NKIRAS1: variants seen among roughly 807,000 people sequenced by gnomAD.
NKIRAS1 encodes the protein NF-kappa-B inhibitor-interacting Ras-like protein 1.
Under a neutral mutation model 19.8 loss-of-function variants are expected in NKIRAS1, and 16 were observed. The ratio of observed to expected loss-of-function variants is 0.81; its 90% CI spans 0.55 to 1.23. The LOEUF is 1.23. NKIRAS1 is among the 50% of genes most tolerant of loss of function. NKIRAS1 has a pLI of 0.00. For missense variants in NKIRAS1, 184 were observed against 220.0 expected, an observed-to-expected ratio of 0.84 and a Z score of 1.04; for synonymous variants, 88 against 79.0, an observed-to-expected ratio of 1.11 and a Z score of -0.61.
chr3:23,936,845 C>T (rs1291789324), intron 1 of NKIRAS1, among the ~76,000 whole-genome samples: 1 of 152,250 alleles, frequency 6.6e-6, no homozygotes, highest in Non-Finnish European at 1.5e-5. Flanking sequence ...TGCACTACTG[C>T]GCCCGGCTGA....
At chr3:23,911,632 A>G (rs189962879) in intron 1 of NKIRAS1, among the ~76,000 whole-genome samples, 182 bp from the exon 2 acceptor site, 9 of 152,330 alleles carry the variant, frequency 5.9e-5, no homozygotes, top group Non-Finnish European at 1.2e-4. Flanking sequence ...AAAAATAAAC[A>G]TTTAAGTAAA....
At chr3:23,918,305 T>G, upstream of NKIRAS1, 1 of 1,057,452 alleles carries the variant, frequency 9.5e-7, no homozygotes, top group Non-Finnish European at 1.3e-6. Context: ...GACTGGGATG[T>G]GTTTTATTTT....
chr3:23,930,634 A>C (rs1705297841), intron 1 of NKIRAS1, among the ~76,000 whole-genome samples: 1 of 152,186 alleles, frequency 6.6e-6, no homozygotes, highest in Non-Finnish European at 1.5e-5. Context: ...TTTCATAATT[A>C]TAATGATCAT....
chr3:23,918,603 T>C (rs565843350), upstream of NKIRAS1: 25 of 1,608,936 alleles, frequency 1.6e-5, no homozygotes, highest in South Asian at 2.3e-4. Context: ...AGCAGTTATA[T>C]TGAATACTGC....
chr3:23,943,623 C>T (rs566334127), intron 1 of NKIRAS1, among the ~76,000 whole-genome samples: 11 of 152,340 alleles, frequency 7.2e-5, no homozygotes, highest in Admixed American at 6.5e-4. Flanking sequence ...TCTTTTCTGC[C>T]TTCTAGACTG....
At chr3:23,930,425 C>G (rs1705288929) in intron 1 of NKIRAS1, among the ~76,000 whole-genome samples, 1 of 151,096 alleles carries the variant, frequency 6.6e-6, no homozygotes, top group Admixed American at 6.6e-5. Flanking sequence ...TTGAAACCCT[C>G]CATTGATTTT....
intron 1 of NKIRAS1, among the ~76,000 whole-genome samples, chr3:23,939,950 C>T (rs777797680): frequency 1.7e-4 from 26 of 152,166 alleles, no homozygotes; most frequent in Non-Finnish European, 3.5e-4. Flanking sequence ...TTGGTTGCCA[C>T]ATGTGGCTAT....
upstream of NKIRAS1, chr3:23,919,512 G>C (rs752650326): frequency 1.3e-6 from 2 of 1,553,184 alleles, no homozygotes; most frequent in African/African-American, 2.7e-5. Context: ...TATAAGTAAA[G>C]TTTGTAAAAT....
chr3:23,939,353 A>G (rs1203829782), intron 1 of NKIRAS1, among the ~76,000 whole-genome samples: 1 of 152,262 alleles, frequency 6.6e-6, no homozygotes, highest in Non-Finnish European at 1.5e-5. Context: ...GTGAATCAAT[A>G]AAGCAAAAAA....
At chr3:23,919,671 T>G, upstream of NKIRAS1, 1 of 1,401,992 alleles carries the variant, frequency 7.1e-7, no homozygotes, top group Non-Finnish European at 9.2e-7. Context: ...TGGTGGTGTA[T>G]CTTGTTTCTA....
chr3:23,928,048 C>G (rs529557209), intron 1 of NKIRAS1, among the ~76,000 whole-genome samples: 40 of 151,968 alleles, frequency 2.6e-4, no homozygotes, highest in Admixed American at 5.3e-4. Context: ...CACTGCACTC[C>G]AGCCTAGGTA....
rs1453900972 is a variant in NKIRAS1, at chr3:23,891,150, G to A, written c.*1945C>T. On this transcript the variant is annotated 3_prime_UTR_variant, in exon 5 of 5. Transcript: ENST00000425478. ...TGCCAATCTACTTTGTTTAAAAAAG[G>A]TCTGAATCAGGACTTGTGAAAACCT... 1 of 152,548 alleles carries A rather than the reference G, an allele frequency of 6.6e-6. No individual in the cohort carries two copies. The highest frequency in any genetic ancestry group is 1.9e-4 in the East Asian group (1 of 5,190). The allele number at this position is 152,548 out of a possible 1,614,324, so 9.4% of individuals were successfully genotyped here.
chr3:23,908,311 A>G (rs1317497875), intron 3 of NKIRAS1, among the ~76,000 whole-genome samples: 1 of 152,226 alleles, frequency 6.6e-6, no homozygotes, highest in Non-Finnish European at 1.5e-5. Context: ...CTACACTGCA[A>G]TAACCTTTAA....
chr3:23,916,274 G>C (rs954420981), intron 1 of NKIRAS1: 1 of 151,972 alleles, frequency 6.6e-6, no homozygotes, highest in Admixed American at 6.6e-5. Context: ...AAATATTCTG[G>C]AGAAACAAAG....
At chr3:23,936,393 C>A (rs1705394426) in intron 1 of NKIRAS1, among the ~76,000 whole-genome samples, 1 of 152,098 alleles carries the variant, frequency 6.6e-6, no homozygotes, top group Non-Finnish European at 1.5e-5. Flanking sequence ...CAGGGCTGAT[C>A]AATTTTCTGG....
chr3:23,896,047 A>G (rs1447080745), intron 4 of NKIRAS1, among the ~76,000 whole-genome samples: 1 of 148,922 alleles, frequency 6.7e-6, no homozygotes, highest in East Asian at 2.0e-4. Context: ...AGGCAGGAGA[A>G]TGGCATGAAC....
chr3:23,910,781 TA>T (rs757227193), intron 3 of NKIRAS1, 29 bp downstream of exon 3: 5 of 1,545,310 alleles, frequency 3.2e-6, no homozygotes, highest in Non-Finnish European at 3.6e-6. Context: ...TCCCAGAACC[TA>T]GAGACAAACT....
At chr3:23,912,056 G>A (rs183320010) in intron 1 of NKIRAS1, among the ~76,000 whole-genome samples, 39 of 150,598 alleles carry the variant, frequency 2.6e-4, no homozygotes, top group African/African-American at 8.1e-4. Context: ...GAGCTACTGC[G>A]CCTGGCTGTC....
chr3:23,946,180 C>T (rs1223028669), intron 1 of NKIRAS1: 3 of 985,170 alleles, frequency 3.0e-6, no homozygotes, highest in South Asian at 4.7e-5. Context: ...GCCCGCTGAG[C>T]CCCCGCGGCG....
Sources: allele counts gnomAD v4.1 joint callset (sites outside exome capture counted in the v4.1 genomes callset), GRCh38; gene constraint gnomAD v4.1.1; transcripts MANE v1.5; gene names NCBI Gene and HGNC (gene_info 2026-07-23, HGNC 2026-07-21).